Variants in PARL observed in about 807,000 individuals in gnomAD.
The protein encoded by PARL is presenilin associated rhomboid like, also known as presenilin-associated rhomboid-like protein, mitochondrial.
Under a neutral mutation model 51.6 loss-of-function variants are expected in PARL, and 44 were observed. That is an observed-to-expected ratio of 0.85 (90% CI 0.67 to 1.10). PARL has a LOEUF of 1.10. Ranked by LOEUF, PARL falls within the 50% of genes least tolerant of loss-of-function variation. PARL has a pLI of 0.00. For missense variants in PARL, 441 were observed against 469.5 expected (o/e 0.94, Z 0.56); for synonymous variants, 172 against 164.0 (o/e 1.05, Z -0.37).
At chr3:183,857,874 T>C (rs908356480) in intron 4 of PARL, among the ~76,000 whole-genome samples, 1 of 152,168 alleles carries the variant, frequency 6.6e-6, no homozygotes, top group African/African-American at 2.4e-5. Context: ...AGAAAGGTAA[T>C]TAATGGTGGT....
At chr3:183,849,609 C>CTT (rs1730332379) in intron 4 of PARL, among the ~76,000 whole-genome samples, 1 of 151,402 alleles carries the variant, frequency 6.6e-6, no homozygotes, top group Non-Finnish European at 1.5e-5. Context: ...GAGGAGCAAA[C>CTT]TAAAACCAAA....
intron 5 of PARL, among the ~76,000 whole-genome samples, chr3:183,843,632 C>A (rs1179620190): frequency 6.6e-6 from 1 of 152,150 alleles, no homozygotes; most frequent in Non-Finnish European, 1.5e-5. Flanking sequence ...AGATCGAGAC[C>A]ATCCTGGCTA....
At chr3:183,882,204 TAA>T (rs1209073220) in intron 1 of PARL, among the ~76,000 whole-genome samples, 1,827 of 61,372 alleles carry the variant, frequency 0.03, 59 homozygotes, top group South Asian at 0.057. Flanking sequence ...ACAATGTCTC[TAA>T]AAAAAAAAAA....
chr3:183,865,442 G>T (rs1334401830), intron 3 of PARL, among the ~76,000 whole-genome samples: 2 of 152,204 alleles, frequency 1.3e-5, no homozygotes, highest in Admixed American at 6.5e-5. Flanking sequence ...TCCGTGGCCT[G>T]TTAGGAACTG....
intron 5 of PARL, among the ~76,000 whole-genome samples, chr3:183,843,895 T>C (rs1035166437): frequency 2.9e-5 from 4 of 138,044 alleles, no homozygotes; most frequent in Non-Finnish European, 6.3e-5. Context: ...AAAAACTAGC[T>C]GGGTGTGGTG....
intron 3 of PARL, among the ~76,000 whole-genome samples, chr3:183,864,110 G>A (rs908894136): frequency 2.0e-5 from 3 of 152,176 alleles, no homozygotes; most frequent in South Asian, 2.1e-4. Context: ...AACAGATGCC[G>A]ATGGCTAGTT....
intron 1 of PARL, among the ~76,000 whole-genome samples, chr3:183,868,949 T>C (rs1184660765): frequency 6.6e-6 from 1 of 152,200 alleles, no homozygotes; most frequent in Non-Finnish European, 1.5e-5. Context: ...AAAAAAATTT[T>C]GTTGTTTGAG....
intron 7 of PARL, among the ~76,000 whole-genome samples, chr3:183,834,215 G>A (rs1056191047): frequency 6.6e-6 from 1 of 152,228 alleles, no homozygotes; most frequent in Non-Finnish European, 1.5e-5. Context: ...CATGAAGCAT[G>A]TTTCATCTTA....
intron 7 of PARL, among the ~76,000 whole-genome samples, chr3:183,836,166 G>A (rs950444570): frequency 7.5e-6 from 1 of 134,082 alleles, no homozygotes; most frequent in Non-Finnish European, 1.5e-5. Context: ...GTAGCGAGCC[G>A]AGATCGCACC....
downstream of PARL, among the ~76,000 whole-genome samples, chr3:183,828,311 A>G (rs1727574572): frequency 6.6e-6 from 1 of 152,262 alleles, no homozygotes; most frequent in Non-Finnish European, 1.5e-5. Flanking sequence ...CTATGAACTC[A>G]GCCTCCTATC....
In PARL at chr3:183,884,761, A is replaced by G; in HGVS notation, c.86T>C (p.Leu29Pro). Reference protein sequence around the residue: ...ASVGGRSCEELTAVLTPPQLL... With the variant: ...ASVGGRSCEEPTAVLTPPQLL... ...CTGCGGCGGGGTTAGGACCGCAGTGAGCTCCTCGCAGCTGCGGCCGCCCAC... is the reference window on the plus strand; with the variant it reads ...CTGCGGCGGGGTTAGGACCGCAGTGGGCTCCTCGCAGCTGCGGCCGCCCAC... Residue 29 changes from leucine to proline, a missense_variant, in exon 1 of 10, where the codon CTC (leucine) becomes CCC (proline). By Grantham distance (98) the Leu-to-Pro change is moderately conservative. Transcript: ENST00000317096. 6.3e-7 allele frequency: 1 copy of G among 1,580,020 alleles called. No homozygotes were observed. The highest frequency in any genetic ancestry group is 8.6e-7 in the Non-Finnish European group (1 of 1,167,570).
At chr3:183,880,478 T>C (rs1298644775) in intron 1 of PARL, among the ~76,000 whole-genome samples, 1 of 152,144 alleles carries the variant, frequency 6.6e-6, no homozygotes, top group Non-Finnish European at 1.5e-5. Context: ...CTCGGCTCAC[T>C]GCAACCTCCG....
At chr3:183,850,437 T>G (rs1484029369) in intron 4 of PARL, among the ~76,000 whole-genome samples, 1 of 152,214 alleles carries the variant, frequency 6.6e-6, no homozygotes, top group Non-Finnish European at 1.5e-5. Context: ...TTAAGGTACA[T>G]CCTAATGTAA....
In PARL at chr3:183,862,804, AAAAC is replaced by A. The variant is rs756834975; in HGVS notation, c.463-7_463-4del. 49 of 1,612,412 alleles carry A rather than the reference AAAAC, an allele frequency of 3.0e-5. No homozygotes were observed. Among genetic ancestry groups the A allele is most frequent in the Non-Finnish European group, 4.2e-5 (49 of 1,178,428 alleles). On this transcript the variant is annotated splice_region_variant and splice_polypyrimidine_tract_variant and intron_variant, in intron 3 of 9. Transcript: ENST00000317096. ...AGGTTATTCCACCACTTGTTAATCT[AAAAC>A]AGACAGAAAATTGCATCACCACATG...
intron 1 of PARL, among the ~76,000 whole-genome samples, chr3:183,869,563 T>G (rs923649099): frequency 8.5e-5 from 13 of 152,072 alleles, no homozygotes; most frequent in Admixed American, 2.0e-4. Flanking sequence ...AGGGATATTA[T>G]GATATCCCTT....
chr3:183,837,666 AC>A lies in PARL; in HGVS notation c.828+2903del, dbSNP rs542850540. On this transcript the variant is annotated intron_variant, in intron 7 of 9. Coordinates refer to ENST00000317096, the MANE Select transcript of PARL (RefSeq NM_018622.7). ...ACACCCAGCAGTAACGAGTCACGGC[AC>A]CCCCTCTCCTCATCAGAACAGTGTC... is the stretch of plus-strand genomic sequence containing the variant. 3.2e-3 allele frequency among the ~76,000 whole-genome samples: 484 copies of A among 152,222 alleles called. 1 individual carries two copies. In the Middle Eastern group the frequency reaches 0.034, roughly 11 times the overall value.
chr3:183,843,389 C>T, intron 5 of PARL: 1 of 558,308 alleles, frequency 1.8e-6, no homozygotes, highest in Non-Finnish European at 2.3e-6. Flanking sequence ...TGGTGGCATG[C>T]ACCTGTAGTC....
intron 7 of PARL, among the ~76,000 whole-genome samples, chr3:183,840,039 T>C (rs1263702819): frequency 6.6e-6 from 1 of 152,136 alleles, no homozygotes; most frequent in Non-Finnish European, 1.5e-5. Flanking sequence ...CTAAGAAAAA[T>C]TTTTTTAAGC....
At chr3:183,845,053 C>T (rs1729787950) in intron 4 of PARL, among the ~76,000 whole-genome samples, 1 of 151,968 alleles carries the variant, frequency 6.6e-6, no homozygotes, top group South Asian at 2.1e-4. Flanking sequence ...ATTGCCACAA[C>T]TCCTTCACAT....
Sources: gnomAD v4.1 joint callset for allele counts (sites outside exome capture counted in the v4.1 genomes callset) on GRCh38, gnomAD v4.1.1 for gene constraint, MANE v1.5 for transcripts, NCBI Gene and HGNC (gene_info 2026-07-23, HGNC 2026-07-21) for gene names.